The following ITFG1 variants were observed in gnomAD, a reference collection of about 807,000 sequenced individuals.
ITFG1 encodes integrin alpha FG-GAP repeat containing 1, also known as T-cell immunomodulatory protein.
A neutral mutation model predicts 81.8 loss-of-function variants in ITFG1; 34 were observed. The observed-to-expected ratio is 0.42, with a 90% confidence interval of 0.32 to 0.55. The LOEUF is 0.55. ITFG1 is among the 20% of genes least tolerant of loss of function. ITFG1 has a pLI of 0.17. For synonymous variants in ITFG1, 285 were observed against 270.6 expected (o/e 1.05, Z -0.52); for missense variants, 672 against 755.4 (o/e 0.89, Z 1.29).
intron 6 of ITFG1, among the ~76,000 whole-genome samples, chr16:47,381,919 A>ATATCT (rs113038546): frequency 6.6e-6 from 1 of 152,198 alleles, no homozygotes; most frequent in African/African-American, 2.4e-5. Context: ...TACAAACAAG[A>ATATCT]TGATCAAATA....
At chr16:47,433,857 A>AATATATATATAT (rs4038737) in intron 5 of ITFG1, among the ~76,000 whole-genome samples, 1 of 38,382 alleles carries the variant, frequency 2.6e-5, no homozygotes, top group Non-Finnish European at 5.7e-5. Flanking sequence ...ATAAAAACTG[A>AATATATATATAT]ATATATATAT....
chr16:47,425,099 G>A (rs939956555), intron 6 of ITFG1, among the ~76,000 whole-genome samples: 2 of 152,090 alleles, frequency 1.3e-5, no homozygotes, highest in African/African-American at 2.4e-5. Context: ...CTCCCAGTTC[G>A]AGCTTCCAGG....
intron 6 of ITFG1, among the ~76,000 whole-genome samples, chr16:47,391,049 T>C (rs886092491): frequency 6.6e-6 from 1 of 151,916 alleles, no homozygotes; most frequent in Non-Finnish European, 1.5e-5. Flanking sequence ...TCTTAGTAGC[T>C]GGGGGGCATT....
At chr16:47,360,000 T>TATAATATAATTTGG (rs1567473641) in intron 8 of ITFG1, among the ~76,000 whole-genome samples, 1 of 152,228 alleles carries the variant, frequency 6.6e-6, no homozygotes, top group Non-Finnish European at 1.5e-5. Flanking sequence ...AAGCATATAA[T>TATAATATAATTTGG]ACACAGCCAG....
intron 14 of ITFG1, among the ~76,000 whole-genome samples, chr16:47,184,818 A>C (rs1473434399): frequency 6.6e-5 from 10 of 152,326 alleles, no homozygotes; most frequent in Admixed American, 6.5e-4. Flanking sequence ...GCTCCAATTA[A>C]AAGACACAGA....
chr16:47,324,636 A>T (rs1478868123), intron 8 of ITFG1, among the ~76,000 whole-genome samples: 1 of 152,194 alleles, frequency 6.6e-6, no homozygotes, highest in Non-Finnish European at 1.5e-5. Context: ...AAAGGGATGG[A>T]GGAAGATCTA....
chr16:47,196,421 G>A (rs1965359060), intron 14 of ITFG1: 1 of 151,996 alleles, frequency 6.6e-6, no homozygotes, highest in South Asian at 2.1e-4. Context: ...TTGAGCCCTG[G>A]GGTGTGGTGG....
chr16:47,308,429 T>C (rs1033280636), intron 10 of ITFG1, among the ~76,000 whole-genome samples: 5 of 152,216 alleles, frequency 3.3e-5, no homozygotes, highest in Admixed American at 6.5e-5. Flanking sequence ...TAACCTTTCA[T>C]TGATGAGTCA....
At chr16:47,427,945 G>A (rs992033119) in intron 6 of ITFG1, among the ~76,000 whole-genome samples, 1 of 152,144 alleles carries the variant, frequency 6.6e-6, no homozygotes, top group African/African-American at 2.4e-5. Flanking sequence ...ACCAGTCTAG[G>A]CAACATAGGG....
intron 14 of ITFG1, among the ~76,000 whole-genome samples, chr16:47,176,024 G>A (rs1965020402): frequency 6.6e-6 from 1 of 152,202 alleles, no homozygotes; most frequent in Admixed American, 6.5e-5. Flanking sequence ...TGTTGATGCA[G>A]TTCTCTGGGG....
intron 8 of ITFG1, among the ~76,000 whole-genome samples, chr16:47,348,851 C>G: frequency 6.6e-6 from 1 of 152,218 alleles, no homozygotes; most frequent in East Asian, 1.9e-4. Context: ...ATCAGACTAA[C>G]AGCGGATCTC....
At chr16:47,246,064 T>C (rs1041644315) in intron 12 of ITFG1, among the ~76,000 whole-genome samples, 3 of 152,228 alleles carry the variant, frequency 2.0e-5, no homozygotes, top group Admixed American at 6.5e-5. Flanking sequence ...TTGGTTAGCA[T>C]AGTCTAGAGT....
At chr16:47,277,634 T>A (rs28654807) in intron 10 of ITFG1, among the ~76,000 whole-genome samples, 1,866 of 152,294 alleles carry the variant, frequency 0.012, 44 homozygotes, top group African/African-American at 0.043. Context: ...AAATTAGATA[T>A]GACCATTTCA....
intron 6 of ITFG1, among the ~76,000 whole-genome samples, chr16:47,390,262 T>C (rs1047231013): frequency 2.0e-5 from 3 of 152,202 alleles, no homozygotes; most frequent in African/African-American, 7.2e-5. Flanking sequence ...TCACCAGTCA[T>C]TGTGACAGAG....
chr16:47,218,100 G>T (rs575549256), intron 14 of ITFG1: 1 of 152,256 alleles, frequency 6.6e-6, no homozygotes, highest in South Asian at 2.1e-4. Flanking sequence ...ATTTAGTAAG[G>T]CCATTACATA....
intron 8 of ITFG1, among the ~76,000 whole-genome samples, chr16:47,339,984 A>G (rs947724666): frequency 1.3e-5 from 2 of 152,142 alleles, no homozygotes; most frequent in African/African-American, 4.8e-5. Flanking sequence ...AAACCAATTC[A>G]TCATGAAAAA....
At chr16:47,362,338 CT>C (rs1433918302) in intron 8 of ITFG1, among the ~76,000 whole-genome samples, 2 of 152,182 alleles carry the variant, frequency 1.3e-5, no homozygotes, top group Non-Finnish European at 2.9e-5. Flanking sequence ...TTCCTCTGAA[CT>C]CCTACTGCAT....
intron 14 of ITFG1, among the ~76,000 whole-genome samples, chr16:47,201,531 T>C (rs755668575): frequency 6.6e-6 from 1 of 152,116 alleles, no homozygotes; most frequent in Non-Finnish European, 1.5e-5. Flanking sequence ...ATTTTGCCCT[T>C]ATTTAGAACT....
intron 14 of ITFG1, among the ~76,000 whole-genome samples, chr16:47,194,724 CTTTAT>C (rs775856526): frequency 4.6e-5 from 7 of 151,886 alleles, no homozygotes; most frequent in Non-Finnish European, 8.8e-5. Context: ...ATATTTAAAA[CTTTAT>C]TTTAAGTTCC....
Sources: allele counts gnomAD v4.1 joint callset (sites outside exome capture counted in the v4.1 genomes callset), GRCh38; gene constraint gnomAD v4.1.1; transcripts MANE v1.5; gene names NCBI Gene and HGNC (gene_info 2026-07-23, HGNC 2026-07-21).